The following PTPN12 variants were observed in gnomAD, a reference collection of about 807,000 sequenced individuals.
PTPN12 encodes tyrosine-protein phosphatase non-receptor type 12.
In PTPN12, 29 loss-of-function variants were observed where a neutral mutation model predicts 97.6. That is an observed-to-expected ratio of 0.30 (90% confidence interval 0.22 to 0.41). The LOEUF (loss-of-function observed/expected upper bound fraction) is 0.41. Ranked by LOEUF, PTPN12 falls within the 10% of genes least tolerant of loss-of-function variation. PTPN12 has a pLI of 1.00. For missense variants in PTPN12, 819 were observed against 926.0 expected (o/e 0.88, Z 1.50); for synonymous variants, 327 against 300.4 (o/e 1.09, Z -0.91).
intron 7 of PTPN12, among the ~76,000 whole-genome samples, chr7:77,598,654 G>C (rs1788095939): frequency 6.6e-6 from 1 of 152,044 alleles, no homozygotes; most frequent in African/African-American, 2.4e-5. Flanking sequence ...CTGCACTCTA[G>C]CCTGGGCAAC....
At chr7:77,537,899 C>G (rs562381524) in intron 1 of PTPN12, 6,974 of 564,292 alleles carry the variant, frequency 0.012, 52 homozygotes, top group Middle Eastern at 0.016. Context: ...GCCGCGCGGC[C>G]GAGCCCGCAG....
chr7:77,557,935 G>T (rs1807795876), intron 1 of PTPN12, among the ~76,000 whole-genome samples: 1 of 152,106 alleles, frequency 6.6e-6, no homozygotes, highest in Non-Finnish European at 1.5e-5. Context: ...TAGCGGCCGG[G>T]CGTGGTGGCT....
At chr7:77,613,968 T>C (rs912477668) in intron 11 of PTPN12, among the ~76,000 whole-genome samples, 2 of 152,134 alleles carry the variant, frequency 1.3e-5, no homozygotes, top group Admixed American at 1.3e-4. Flanking sequence ...CAGGGCTCAC[T>C]GCGCCCTCAA....
chr7:77,537,727 TTG>T (rs1315369181), intron 1 of PTPN12, 82 bp downstream of exon 1: 1 of 1,443,312 alleles, frequency 6.9e-7, no homozygotes, highest in African/African-American at 1.5e-5. Flanking sequence ...CGCCAGTGCT[TTG>T]TGTACCTCTG....
At chr7:77,633,814 A>G (rs1371812363) in intron 14 of PTPN12, among the ~76,000 whole-genome samples, 1 of 151,718 alleles carries the variant, frequency 6.6e-6, no homozygotes, top group East Asian at 1.9e-4. Context: ...CTTGAGCCTA[A>G]GAGTTTGAGA....
Position 77,610,859 on chromosome 7 carries a change from C to A in PTPN12, c.840+17C>A. ...CAAACAAAGGTATAGTTGTTTGTTT[C>A]CCTTTATAAACTGCTATTTTATAAA... is the stretch of plus-strand genomic sequence containing the variant. On this transcript the variant is annotated intron_variant, in intron 10 of 17. Coordinates refer to ENST00000248594, the MANE Select transcript of PTPN12 (RefSeq NM_002835.4). The A allele has an allele frequency of 6.3e-7, 1 of 1,593,168 alleles. No individual in the cohort carries two copies. The highest frequency in any genetic ancestry group is 8.5e-7 in the Non-Finnish European group (1 of 1,174,112).
chr7:77,592,062 C>T (rs991333930), intron 5 of PTPN12, 123 bp from the exon 6 acceptor site: 22 of 773,280 alleles, frequency 2.8e-5, no homozygotes, highest in Non-Finnish European at 4.7e-5. Context: ...TCCATGCCTG[C>T]TAATGTGGGT....
chr7:77,538,089 A>G, intron 1 of PTPN12: 1 of 991,264 alleles, frequency 1.0e-6, no homozygotes, highest in South Asian at 4.4e-5. Flanking sequence ...TGGCTGACAG[A>G]GGAACGGGGG....
At chr7:77,586,553 C>T (rs1787699348) in intron 5 of PTPN12, among the ~76,000 whole-genome samples, 1 of 152,142 alleles carries the variant, frequency 6.6e-6, no homozygotes, top group Non-Finnish European at 1.5e-5. Context: ...TACTGTACTC[C>T]AGCCTGGGCA....
chr7:77,585,910 A>C (rs958724617), intron 5 of PTPN12, among the ~76,000 whole-genome samples: 21 of 152,172 alleles, frequency 1.4e-4, no homozygotes, highest in African/African-American at 5.1e-4. Flanking sequence ...TAGTCTGTTA[A>C]ATGTTCAGTA....
intron 12 of PTPN12, 134 bp downstream of exon 12, chr7:77,618,699 G>T: frequency 1.6e-6 from 1 of 606,714 alleles, no homozygotes; most frequent in Non-Finnish European, 2.7e-6. Flanking sequence ...TGTAACATAC[G>T]TATGACAACT....
intron 1 of PTPN12, among the ~76,000 whole-genome samples, chr7:77,545,304 C>T (rs1807162350): frequency 6.6e-6 from 1 of 152,180 alleles, no homozygotes; most frequent in Non-Finnish European, 1.5e-5. Flanking sequence ...ACATCATACT[C>T]ACTTTCAAGT....
intron 8 of PTPN12, 119 bp from the exon 9 acceptor site, chr7:77,607,116 G>T (rs1489458915): frequency 4.0e-6 from 3 of 750,262 alleles, no homozygotes; most frequent in Non-Finnish European, 2.1e-6. Context: ...TTACTAAGTA[G>T]AATTTTGTCA....
chr7:77,621,061 T>G (rs924321999), intron 12 of PTPN12, among the ~76,000 whole-genome samples: 1 of 151,694 alleles, frequency 6.6e-6, no homozygotes, highest in Non-Finnish European at 1.5e-5. Flanking sequence ...CATATATATA[T>G]ATATATATAA....
intron 1 of PTPN12, among the ~76,000 whole-genome samples, chr7:77,568,255 T>C (rs114679339): frequency 6.6e-6 from 1 of 152,224 alleles, no homozygotes; most frequent in African/African-American, 2.4e-5. Context: ...GTTCTCAAGG[T>C]TCATTATGAG....
chr7:77,592,116 CA>C, intron 5 of PTPN12, 68 bp from the exon 6 acceptor site: 1 of 1,373,080 alleles, frequency 7.3e-7, no homozygotes, highest in Non-Finnish European at 1.0e-6. Flanking sequence ...CCTCAGGACA[CA>C]AAATATTTAT....
Position 77,545,988 on chromosome 7 carries a change from G to A in PTPN12, c.99+8343G>A, listed in dbSNP as rs188933933. On this transcript the variant is annotated intron_variant, in intron 1 of 17. Coordinates refer to ENST00000248594, the MANE Select transcript of PTPN12 (RefSeq NM_002835.4). The stretch of plus-strand genomic sequence containing the variant: ...TGCTTTGTTGCCAGGCTGGAGTGCA[G>A]TGGCACCATCTCAGCTCACTGCAAC... Among the ~76,000 whole-genome samples, 263 of 152,196 alleles carry A rather than the reference G, an allele frequency of 1.7e-3. 2 individuals carry two copies. Among genetic ancestry groups the A allele is most frequent in the African/African-American group, 5.6e-3 (232 of 41,496 alleles).
rs184261341 is a variant in PTPN12, at chr7:77,626,489, G to A, written c.1026-216G>A. ...GCTAACAGGAGGGCTGCGGGGCAGA[G>A]ACTATGTTTTTCATTCAAAGTCTTG... On this transcript the variant is annotated intron_variant, in intron 12 of 17. Coordinates refer to ENST00000248594, the MANE Select transcript of PTPN12 (RefSeq NM_002835.4). 5.9e-5 allele frequency among the ~76,000 whole-genome samples: 9 copies of A among 152,288 alleles called. No individual in the cohort carries two copies. In the East Asian group the frequency reaches 1.5e-3, roughly 26 times the overall value.
intron 9 of PTPN12, among the ~76,000 whole-genome samples, 185 bp from the exon 10 acceptor site, chr7:77,610,580 G>A (rs960436557): frequency 6.6e-6 from 1 of 152,190 alleles, no homozygotes; most frequent in African/African-American, 2.4e-5. Context: ...CATCTTGAAT[G>A]CTGAGGGTCA....
Sources: gnomAD v4.1 joint callset for allele counts (sites outside exome capture counted in the v4.1 genomes callset) on GRCh38, gnomAD v4.1.1 for gene constraint, MANE v1.5 for transcripts, NCBI Gene and HGNC (gene_info 2026-07-23, HGNC 2026-07-21) for gene names.